Variants in CHRM3 observed in about 807,000 individuals in gnomAD.
CHRM3 encodes cholinergic receptor muscarinic 3, also known as muscarinic acetylcholine receptor M3.
A neutral mutation model predicts 41.8 loss-of-function variants in CHRM3; 11 were observed. The ratio of observed to expected loss-of-function variants is 0.26; its 90% CI spans 0.17 to 0.44. CHRM3 has a LOEUF of 0.44. Ranked by LOEUF, CHRM3 falls within the 20% of genes least tolerant of loss-of-function variation. The pLI is 1.00. For synonymous variants in CHRM3, 297 were observed against 301.4 expected (o/e 0.99, Z 0.15); for missense variants, 571 against 745.4 (o/e 0.77, Z 2.72).
intron 6 of CHRM3, among the ~76,000 whole-genome samples, chr1:239,834,408 G>A (rs1430746894): frequency 2.0e-5 from 3 of 150,150 alleles, no homozygotes; most frequent in East Asian, 3.9e-4. Context: ...TGCCTTCCAG[G>A]TTCAAACGAT....
At chr1:239,390,599 CT>C (rs11316805) in intron 1 of CHRM3, among the ~76,000 whole-genome samples, 21,296 of 139,572 alleles carry the variant, frequency 0.15, 2,040 homozygotes, top group African/African-American at 0.29. Flanking sequence ...GCTTCCCTCA[CT>C]TTTTTTTTTT....
chr1:239,819,538 C>T (rs1363646155), intron 5 of CHRM3, among the ~76,000 whole-genome samples: 1 of 151,992 alleles, frequency 6.6e-6, no homozygotes, highest in African/African-American at 2.4e-5. Context: ...TTTAAGCAAT[C>T]GGGGAAATTT....
chr1:239,607,876 A>C (rs975372961), intron 3 of CHRM3, among the ~76,000 whole-genome samples: 2 of 151,944 alleles, frequency 1.3e-5, no homozygotes, highest in Non-Finnish European at 2.9e-5. Context: ...AAAATGTTTT[A>C]TATTTTGTGT....
In CHRM3 at chr1:239,678,624, GTATGT is replaced by G. The variant is rs1407161264; in HGVS notation, c.-147+340_-147+344del. Among the ~76,000 whole-genome samples, 6 of 152,182 alleles carry G rather than the reference GTATGT, an allele frequency of 3.9e-5. No individual in the cohort carries two copies. The East Asian group carries it at 1.2e-3, about 29-fold the overall frequency. On this transcript the variant is annotated intron_variant, in intron 5 of 6. Coordinates refer to ENST00000676153, the MANE Select transcript of CHRM3 (RefSeq NM_001375978.1). ...ATGATGAAATATGACTGATACTCTGGTATGTTATAAGTGTAGTATCTGTAGTCCAA... is the reference window on the plus strand; with the variant it reads ...ATGATGAAATATGACTGATACTCTGGTATAAGTGTAGTATCTGTAGTCCAA...
At chr1:239,661,170 T>A (rs1222175728) in intron 4 of CHRM3, among the ~76,000 whole-genome samples, 1 of 152,212 alleles carries the variant, frequency 6.6e-6, no homozygotes, top group Non-Finnish European at 1.5e-5. Context: ...TATTTTTAAA[T>A]GTCTTCTACT....
chr1:239,578,783 G>A (rs980207002), intron 3 of CHRM3, among the ~76,000 whole-genome samples: 7 of 152,052 alleles, frequency 4.6e-5, no homozygotes, highest in East Asian at 1.9e-4. Flanking sequence ...GACTCCACCC[G>A]GTCCCCAACC....
At chr1:239,885,271 A>G (rs1228094270) in intron 6 of CHRM3, among the ~76,000 whole-genome samples, 1 of 152,192 alleles carries the variant, frequency 6.6e-6, no homozygotes, top group Non-Finnish European at 1.5e-5. Flanking sequence ...GTGCATCTGA[A>G]TCACCTGGAA....
intron 4 of CHRM3, among the ~76,000 whole-genome samples, chr1:239,658,780 T>A (rs1464281090): frequency 6.6e-6 from 1 of 151,882 alleles, no homozygotes; most frequent in Non-Finnish European, 1.5e-5. Context: ...ACTTTGTTAC[T>A]CAGGCTGGAG....
At chr1:239,892,705 T>A (rs1678655209) in intron 6 of CHRM3, among the ~76,000 whole-genome samples, 1 of 152,178 alleles carries the variant, frequency 6.6e-6, no homozygotes, top group African/African-American at 2.4e-5. Flanking sequence ...TAGATTTGTA[T>A]TGGCCTCACT....
chr1:239,788,150 C>A (rs1374479398), intron 5 of CHRM3, among the ~76,000 whole-genome samples: 1 of 152,032 alleles, frequency 6.6e-6, no homozygotes, highest in Non-Finnish European at 1.5e-5. Context: ...GAGGGAGGAT[C>A]ACTTGAGCCC....
intron 3 of CHRM3, among the ~76,000 whole-genome samples, chr1:239,574,205 A>C (rs183717353): frequency 2.6e-5 from 4 of 152,310 alleles, no homozygotes; most frequent in East Asian, 3.9e-4. Context: ...AAGCTCAGCC[A>C]GAGAGTGATA....
chr1:239,800,648 A>G (rs1670139543), intron 5 of CHRM3, among the ~76,000 whole-genome samples: 1 of 152,188 alleles, frequency 6.6e-6, no homozygotes, highest in African/African-American at 2.4e-5. Context: ...TGGCCCTCAG[A>G]CCACACTTTG....
intron 1 of CHRM3, among the ~76,000 whole-genome samples, chr1:239,455,281 C>T (rs891302834): frequency 2.6e-5 from 4 of 151,862 alleles, no homozygotes; most frequent in East Asian, 3.9e-4. Flanking sequence ...GAACTCCCAA[C>T]CTCAGGTGAT....
intron 1 of CHRM3, among the ~76,000 whole-genome samples, chr1:239,442,582 G>T (rs1228843269): frequency 3.9e-5 from 6 of 152,122 alleles, no homozygotes; most frequent in Admixed American, 2.0e-4. Context: ...AGCGTAAGTG[G>T]GGAATTTGGA....
intron 3 of CHRM3, among the ~76,000 whole-genome samples, chr1:239,619,255 C>G (rs1042342800): frequency 6.6e-6 from 1 of 152,044 alleles, no homozygotes; most frequent in African/African-American, 2.4e-5. Flanking sequence ...TCTATCACTC[C>G]TCTGAGGTAA....
intron 2 of CHRM3, among the ~76,000 whole-genome samples, chr1:239,515,413 T>C (rs1669195231): frequency 1.3e-5 from 1 of 79,198 alleles, no homozygotes; most frequent in Admixed American, 1.3e-4. Flanking sequence ...GTTTTTTTTG[T>C]TTTTTTTTTT....
chr1:239,725,950 A>G (rs1409343370), intron 5 of CHRM3, among the ~76,000 whole-genome samples: 3 of 151,934 alleles, frequency 2.0e-5, no homozygotes, highest in Non-Finnish European at 4.4e-5. Context: ...ATGTCTTTAA[A>G]CTGCCCCATA....
At chr1:239,580,702 T>TAC (rs1553332720) in intron 3 of CHRM3, among the ~76,000 whole-genome samples, 20 of 125,790 alleles carry the variant, frequency 1.6e-4, no homozygotes, top group African/African-American at 3.1e-4. Flanking sequence ...TATATATATA[T>TAC]ATACACACAC....
In CHRM3 at chr1:239,395,081, C is replaced by T. The variant is rs1659364512; in HGVS notation, c.-521+7854C>T. On this transcript the variant is annotated intron_variant, in intron 1 of 6. Coordinates refer to ENST00000676153, the MANE Select transcript of CHRM3 (RefSeq NM_001375978.1). Reference sequence around the variant, plus strand: ...TGTCCTGGTTAATCTCTTAGCAATCCCTTTAAACTCCCTTAATTTTCAGAG... The same window carrying T: ...TGTCCTGGTTAATCTCTTAGCAATCTCTTTAAACTCCCTTAATTTTCAGAG... Among the ~76,000 whole-genome samples, 5 of 152,082 alleles carry T rather than the reference C, an allele frequency of 3.3e-5. No individual in the cohort carries two copies. The South Asian group carries it at 8.3e-4, about 25-fold the overall frequency.
Sources: gnomAD v4.1 joint callset for allele counts (sites outside exome capture counted in the v4.1 genomes callset) on GRCh38, gnomAD v4.1.1 for gene constraint, MANE v1.5 for transcripts, NCBI Gene and HGNC (gene_info 2026-07-23, HGNC 2026-07-21) for gene names.